ARHGEF38: variants seen among roughly 807,000 people sequenced by gnomAD.
ARHGEF38 encodes the protein Rho guanine nucleotide exchange factor (GEF) 38.
Under a neutral mutation model 79.9 loss-of-function variants are expected in ARHGEF38, and 79 were observed. The ratio of observed to expected loss-of-function variants is 0.99; its 90% CI spans 0.82 to 1.19. The LOEUF (loss-of-function observed/expected upper bound fraction) is 1.19, where lower values mean the gene tolerates loss of function less well. ARHGEF38 is among the 50% of genes most tolerant of loss of function. The pLI, the probability that ARHGEF38 is intolerant of heterozygous loss-of-function variation, is 0.00. For synonymous variants in ARHGEF38, 366 were observed against 328.3 expected, an observed-to-expected ratio of 1.11 and a Z score of -1.24; for missense variants, 962 against 907.2, an observed-to-expected ratio of 1.06 and a Z score of -0.78.
intron 1 of ARHGEF38, among the ~76,000 whole-genome samples, chr4:105,584,268 G>A (rs1402522656): frequency 1.3e-5 from 2 of 152,116 alleles, no homozygotes; most frequent in Non-Finnish European, 2.9e-5. Flanking sequence ...TGTGCATGGA[G>A]ATATTTTGAG....
intron 13 of ARHGEF38, among the ~76,000 whole-genome samples, chr4:105,671,341 G>A (rs944713696): frequency 1.3e-5 from 2 of 152,162 alleles, no homozygotes; most frequent in African/African-American, 4.8e-5. Context: ...TAAACTTACT[G>A]CAAGATGAGG....
intron 1 of ARHGEF38, among the ~76,000 whole-genome samples, chr4:105,562,354 G>T (rs1008240122): frequency 2.6e-5 from 4 of 152,176 alleles, no homozygotes; most frequent in African/African-American, 4.8e-5. Context: ...CAGTTATTCT[G>T]CTCAATGACT....
intron 13 of ARHGEF38, among the ~76,000 whole-genome samples, chr4:105,672,439 A>T (rs1374419002): frequency 6.6e-6 from 1 of 152,148 alleles, no homozygotes; most frequent in African/African-American, 2.4e-5. Flanking sequence ...GGCAGTACTG[A>T]TTTATACCAA....
At chr4:105,612,800 C>T (rs1430165043) in intron 2 of ARHGEF38, among the ~76,000 whole-genome samples, 1 of 151,924 alleles carries the variant, frequency 6.6e-6, no homozygotes, top group Admixed American at 6.6e-5. Flanking sequence ...TAAACACTTG[C>T]TATAAGATCT....
chr4:105,659,905 A>G (rs1048136945), intron 10 of ARHGEF38, among the ~76,000 whole-genome samples: 49 of 148,262 alleles, frequency 3.3e-4, no homozygotes, highest in African/African-American at 1.2e-3. Context: ...GCCTCCCATT[A>G]GGATATAATT....
chr4:105,566,708 C>T (rs1157142736), intron 1 of ARHGEF38, among the ~76,000 whole-genome samples: 4 of 151,786 alleles, frequency 2.6e-5, no homozygotes, highest in African/African-American at 9.7e-5. Flanking sequence ...CCCCTTTCCT[C>T]CACTACATCC....
At chr4:105,664,580 T>G (rs1161156995) in intron 10 of ARHGEF38, among the ~76,000 whole-genome samples, 1 of 152,232 alleles carries the variant, frequency 6.6e-6, no homozygotes, top group Admixed American at 6.5e-5. Flanking sequence ...ACATTAAGCG[T>G]GTAAAGTATG....
Position 105,648,686 on chromosome 4 carries a change from A to T in ARHGEF38, c.1008+4A>T. 1 of 1,504,964 alleles carries T rather than the reference A, an allele frequency of 6.6e-7. No homozygotes were observed. Among genetic ancestry groups the T allele is most frequent in the South Asian group, 1.3e-5 (1 of 78,738 alleles). 93.2% of individuals were successfully genotyped at this position (1,504,964 alleles called of 1,614,324 possible). ...TCTGACCAGAGGAGAATCACAGGTAATTTTTCTTCTTGGACCACCCACCTT... is the reference window on the plus strand; with the variant it reads ...TCTGACCAGAGGAGAATCACAGGTATTTTTTCTTCTTGGACCACCCACCTT... On this transcript the variant is annotated splice_donor_region_variant and intron_variant, in intron 7 of 13. Coordinates refer to ENST00000420470, the MANE Select transcript of ARHGEF38 (RefSeq NM_001242729.2).
Position 105,667,689 on chromosome 4 carries a change from G to A in ARHGEF38, c.2134G>A (p.Glu712Lys), listed in dbSNP as rs1292096462. 4 of 1,536,098 alleles carry A rather than the reference G, an allele frequency of 2.6e-6. No homozygotes were observed. In the Admixed American group the frequency reaches 7.8e-5, roughly 30 times the overall value. Reference sequence around the variant, plus strand: ...TGGTACTGATGTTGACAGTTTTCAAGAAGTAGACGAACAGGTAAAAATTTG... The same window carrying A: ...TGGTACTGATGTTGACAGTTTTCAAAAAGTAGACGAACAGGTAAAAATTTG... The part of the protein sequence containing the change: ...TNGTDVDSFQ[E>K]VDEQIFYAVH... Residue 712 changes from glutamate (E) to lysine (K), a missense_variant, in exon 13 of 14, where the codon GAA becomes AAA. By Grantham distance (56) the Glu-to-Lys change is moderately conservative. Coordinates refer to ENST00000420470, the MANE Select transcript of ARHGEF38 (RefSeq NM_001242729.2).
At chr4:105,676,926 T>C (rs1450645552) in intron 13 of ARHGEF38, among the ~76,000 whole-genome samples, 1 of 151,960 alleles carries the variant, frequency 6.6e-6, no homozygotes, top group Non-Finnish European at 1.5e-5. Context: ...CCCATGTTAT[T>C]AGTCTCAGAA....
chr4:105,667,536 G>A lies in ARHGEF38; in HGVS notation c.1981G>A (p.Asp661Asn), dbSNP rs1481255110. The A allele has an allele frequency of 6.5e-7, 1 of 1,536,636 alleles. No homozygotes were observed. The highest frequency in any genetic ancestry group is 1.2e-5 in the South Asian group (1 of 84,062). Residue 661 changes from aspartate (D) to asparagine (N), a missense_variant, in exon 13 of 14, where the codon GAT becomes AAT. Asp to Asn is a conservative substitution (Grantham distance 23). Coordinates refer to ENST00000420470, the MANE Select transcript of ARHGEF38 (RefSeq NM_001242729.2). ...TGCTGAGAACAGGTTCTGTGACGAT[G>A]ATTTTGAGAACATCAGCCTCTTCGT... ...VDAENRFCDD[D>N]FENISLFVSS... is the part of the protein sequence containing the mutation.
intron 2 of ARHGEF38, among the ~76,000 whole-genome samples, chr4:105,606,787 T>A (rs73837065): frequency 0.013 from 1,912 of 152,166 alleles, 30 homozygotes; most frequent in African/African-American, 0.036. Context: ...AAGTATATAA[T>A]TTTTTGTATG....
chr4:105,584,491 A>G (rs1726936255), intron 1 of ARHGEF38, among the ~76,000 whole-genome samples: 1 of 152,210 alleles, frequency 6.6e-6, no homozygotes, highest in South Asian at 2.1e-4. Context: ...CTTACAGATG[A>G]GAAAATTGAT....
At chr4:105,651,535 C>A (rs1171502002) in intron 7 of ARHGEF38, among the ~76,000 whole-genome samples, 1 of 152,102 alleles carries the variant, frequency 6.6e-6, no homozygotes, top group Non-Finnish European at 1.5e-5. Flanking sequence ...CCTACTATAC[C>A]GTGGGTAAGT....
chr4:105,654,618 G>A (rs1214833108), intron 8 of ARHGEF38, among the ~76,000 whole-genome samples: 1 of 152,172 alleles, frequency 6.6e-6, no homozygotes, highest in Non-Finnish European at 1.5e-5. Flanking sequence ...ATGCTCCCAT[G>A]AGATTATGTT....
chr4:105,569,165 T>G (rs1726093785), intron 1 of ARHGEF38, among the ~76,000 whole-genome samples: 1 of 152,218 alleles, frequency 6.6e-6, no homozygotes, highest in South Asian at 2.1e-4. Flanking sequence ...CCATTAAACT[T>G]GTTTGAGAAG....
In ARHGEF38 at chr4:105,589,400, G is replaced by C; in HGVS notation, c.349G>C (p.Val117Leu). 1.9e-6 allele frequency: 3 copies of C among 1,613,170 alleles called. No individual in the cohort carries two copies. Among genetic ancestry groups the C allele is most frequent in the Non-Finnish European group, 2.5e-6 (3 of 1,179,730 alleles). The change falls in exon 2 of 14, where the codon GTT becomes CTT. Residue 117 changes from valine (V) to leucine (L), a missense_variant. Val to Leu is a conservative substitution (Grantham distance 32). Transcript: ENST00000420470. ...KDYLNDLELC[V>L]REVVQPLRNK... ...TTATCTCAATGATCTAGAGCTGTGT[G>C]TTAGGGAAGTGGTTCAGCCCCTGAG...
intron 1 of ARHGEF38, among the ~76,000 whole-genome samples, chr4:105,555,799 A>G (rs896421540): frequency 6.6e-6 from 1 of 152,180 alleles, no homozygotes; most frequent in Middle Eastern, 3.2e-3. Flanking sequence ...GTTCCGTAAA[A>G]TGTAAGATTT....
intron 7 of ARHGEF38, among the ~76,000 whole-genome samples, chr4:105,651,819 C>A (rs1404715280): frequency 6.6e-6 from 1 of 152,086 alleles, no homozygotes; most frequent in Non-Finnish European, 1.5e-5. Context: ...TGCTCCTGGC[C>A]GCTCTCTCTG....
Sources: gnomAD v4.1 joint callset for allele counts (sites outside exome capture counted in the v4.1 genomes callset) on GRCh38, gnomAD v4.1.1 for gene constraint, MANE v1.5 for transcripts, NCBI Gene and HGNC (gene_info 2026-07-23, HGNC 2026-07-21) for gene names.